Variants in CAMKMT observed in about 807,000 individuals in gnomAD.
The protein encoded by CAMKMT is CaM KMT.
Under a neutral mutation model 48.0 loss-of-function variants are expected in CAMKMT, and 53 were observed. The observed-to-expected ratio is 1.10, with a 90% CI of 0.89 to 1.39. The LOEUF is 1.39. Among genes scored for constraint, CAMKMT ranks in the 40% most tolerant of loss-of-function variants. The pLI is 0.00. For missense variants in CAMKMT, 428 were observed against 402.7 expected (o/e 1.06, Z -0.54); for synonymous variants, 165 against 152.3 (o/e 1.08, Z -0.61).
intron 1 of CAMKMT, among the ~76,000 whole-genome samples, chr2:44,363,492 C>G (rs1467765018): frequency 6.6e-6 from 1 of 151,586 alleles, no homozygotes; most frequent in Admixed American, 6.6e-5. Flanking sequence ...ATTCTCCTTC[C>G]TCAGTCTCCC....
chr2:44,538,844 G>A (rs891583196), intron 3 of CAMKMT, among the ~76,000 whole-genome samples: 1 of 151,868 alleles, frequency 6.6e-6, no homozygotes, highest in African/African-American at 2.4e-5. Context: ...ACACTTGTAT[G>A]CCCTTTATAA....
chr2:44,655,026 A>G (rs1674299534), intron 3 of CAMKMT, among the ~76,000 whole-genome samples: 1 of 152,184 alleles, frequency 6.6e-6, no homozygotes, highest in Non-Finnish European at 1.5e-5. Flanking sequence ...TCTTATTTAT[A>G]TATCTTGACT....
intron 2 of CAMKMT, among the ~76,000 whole-genome samples, chr2:44,387,815 T>C (rs1680921438): frequency 1.3e-5 from 2 of 152,218 alleles, no homozygotes; most frequent in Admixed American, 1.3e-4. Flanking sequence ...TTTCACTGGA[T>C]ACAAAATTCT....
chr2:44,658,657 A>G (rs1275437662), intron 3 of CAMKMT, among the ~76,000 whole-genome samples: 1 of 152,146 alleles, frequency 6.6e-6, no homozygotes, highest in African/African-American at 2.4e-5. Context: ...CATTTCCTCA[A>G]TTATAAGATA....
intron 6 of CAMKMT, among the ~76,000 whole-genome samples, chr2:44,713,581 T>C (rs1156333749): frequency 2.0e-5 from 3 of 152,132 alleles, no homozygotes; most frequent in Non-Finnish European, 4.4e-5. Flanking sequence ...CAAATTAGTC[T>C]CTTTTATTTT....
At position 44,766,485 on chromosome 2, in the gene CAMKMT, A is replaced by G. The variant is rs753092706; in HGVS notation, c.818A>G (p.Asn273Ser). The G allele has an allele frequency of 1.9e-6, 3 of 1,614,190 alleles. No homozygotes were observed. Among genetic ancestry groups the G allele is most frequent in the East Asian group, 2.2e-5 (1 of 44,872 alleles). The part of the protein sequence containing the change: ...RRGNTLNQFC[N>S]LAEKAGFCIQ... ...GGGAATACTTTAAACCAGTTTTGCA[A>G]TCTAGCTGAAAAAGCTGGTTTCTGT... is the stretch of plus-strand genomic sequence containing the variant. The change falls in exon 10 of 11, where the codon AAT becomes AGT. Residue 273 changes from asparagine to serine, a missense_variant. Physicochemically the swap from Asn to Ser is conservative, Grantham distance 46. Transcript: ENST00000378494.
At chr2:44,608,307 C>T (rs1466035827) in intron 3 of CAMKMT, among the ~76,000 whole-genome samples, 2 of 151,982 alleles carry the variant, frequency 1.3e-5, no homozygotes, top group East Asian at 3.9e-4. Flanking sequence ...CTCCTGACCT[C>T]GTGATCAGCC....
chr2:44,375,385 CAGAA>C (rs1488020316), intron 2 of CAMKMT, among the ~76,000 whole-genome samples: 5 of 149,968 alleles, frequency 3.3e-5, no homozygotes, highest in Middle Eastern at 6.9e-3. Flanking sequence ...TATAAAAAAA[CAGAA>C]ATAAATATAA....
chr2:44,541,257 G>T (rs1354844825), intron 3 of CAMKMT, among the ~76,000 whole-genome samples: 1 of 152,140 alleles, frequency 6.6e-6, no homozygotes, highest in Non-Finnish European at 1.5e-5. Flanking sequence ...TTTTTATTGA[G>T]ATTGCATTGA....
At chr2:44,597,964 T>C (rs545488550) in intron 3 of CAMKMT, among the ~76,000 whole-genome samples, 75 of 152,304 alleles carry the variant, frequency 4.9e-4, no homozygotes, top group Middle Eastern at 6.8e-3. Flanking sequence ...CTCGAACTCC[T>C]GACCTTTTGA....
At position 44,592,726 on chromosome 2, in the gene CAMKMT, A is replaced by C. The variant is rs563754195; in HGVS notation, c.377-111557A>C. On this transcript the variant is annotated intron_variant, in intron 3 of 10. Transcript: ENST00000378494. The stretch of plus-strand genomic sequence containing the variant: ...CTATCTGCGATTTCAGGCATCCACT[A>C]GGACCTTGGCTTGTATCCCCCAAGG... Among the ~76,000 whole-genome samples the C allele has an allele frequency of 5.9e-5, 9 of 152,328 alleles. No individual in the cohort carries two copies. In the South Asian group the frequency reaches 1.9e-3, roughly 32 times the overall value.
chr2:44,524,019 C>T (rs576243864), intron 3 of CAMKMT, among the ~76,000 whole-genome samples: 8 of 151,956 alleles, frequency 5.3e-5, no homozygotes, highest in South Asian at 2.1e-4. Flanking sequence ...TCAGGTGATC[C>T]GCTCGCCTCG....
At chr2:44,365,796 G>C (rs1397717962) in intron 1 of CAMKMT, among the ~76,000 whole-genome samples, 2 of 152,178 alleles carry the variant, frequency 1.3e-5, no homozygotes, top group Non-Finnish European at 2.9e-5. Context: ...AGCAATGACT[G>C]TTACACACGT....
chr2:44,716,493 A>G (rs1678182285), intron 7 of CAMKMT, among the ~76,000 whole-genome samples: 1 of 152,194 alleles, frequency 6.6e-6, no homozygotes, highest in African/African-American at 2.4e-5. Flanking sequence ...AAGTGTCCAT[A>G]GTGTATTTTT....
chr2:44,388,913 G>A (rs1013630201), intron 2 of CAMKMT, among the ~76,000 whole-genome samples: 2 of 152,068 alleles, frequency 1.3e-5, no homozygotes, highest in African/African-American at 2.4e-5. Context: ...GTGGCGGGGT[G>A]GGGGGTACAA....
At chr2:44,588,021 C>T (rs1257806860) in intron 3 of CAMKMT, among the ~76,000 whole-genome samples, 2 of 141,940 alleles carry the variant, frequency 1.4e-5, no homozygotes, top group African/African-American at 5.2e-5. Flanking sequence ...GCCATCCCAT[C>T]TAGGAAGCGA....
In CAMKMT at chr2:44,566,384, T is replaced by C. The variant is rs549730009; in HGVS notation, c.377-137899T>C. Among the ~76,000 whole-genome samples, 31 of 152,336 alleles carry C rather than the reference T, an allele frequency of 2.0e-4. No homozygotes were observed. The South Asian group carries it at 6.4e-3, about 32-fold the overall frequency. ...CAGAAATCCACATGGTAGCTTATTG[T>C]TGTATTACAAAAAGGTACTACAAGT... On this transcript the variant is annotated intron_variant, in intron 3 of 10. Coordinates refer to ENST00000378494, the MANE Select transcript of CAMKMT (RefSeq NM_024766.5).
intron 8 of CAMKMT, among the ~76,000 whole-genome samples, chr2:44,750,640 G>A (rs949027824): frequency 1.3e-5 from 2 of 152,102 alleles, no homozygotes; most frequent in African/African-American, 4.8e-5. Flanking sequence ...TCTACAGCAC[G>A]GCTGTTCTTC....
intron 9 of CAMKMT, among the ~76,000 whole-genome samples, chr2:44,764,171 T>A (rs1338716491): frequency 2.0e-5 from 3 of 152,180 alleles, no homozygotes; most frequent in Non-Finnish European, 4.4e-5. Flanking sequence ...TGACAGAACC[T>A]TAAGTGTAGT....
Sources: gnomAD v4.1 joint callset for allele counts (sites outside exome capture counted in the v4.1 genomes callset) on GRCh38, gnomAD v4.1.1 for gene constraint, MANE v1.5 for transcripts, NCBI Gene and HGNC (gene_info 2026-07-23, HGNC 2026-07-21) for gene names.